The following CHD6 variants were observed in gnomAD, a reference collection of about 807,000 sequenced individuals.
CHD6 encodes chromodomain helicase DNA binding protein 6.
Under a neutral mutation model 276.9 loss-of-function variants are expected in CHD6, and 50 were observed. The observed-to-expected ratio is 0.18, with a 90% confidence interval of 0.14 to 0.23. CHD6 has a LOEUF of 0.23. Among genes scored for constraint, CHD6 ranks in the 10% least tolerant of loss-of-function variants. The pLI is 1.00. For missense variants in CHD6, 2,564 were observed against 3,365.8 expected (o/e 0.76, Z 5.89); for synonymous variants, 1,173 against 1,229.3 (o/e 0.95, Z 0.96).
At position 41,510,048 on chromosome 20, in the gene CHD6, T is replaced by C. The variant is rs1198507315; in HGVS notation, c.852+2798A>G. Among the ~76,000 whole-genome samples, 4 of 152,306 alleles carry C rather than the reference T, an allele frequency of 2.6e-5. No homozygotes were observed. In the East Asian group the frequency reaches 5.8e-4, roughly 22 times the overall value. On this transcript the variant is annotated intron_variant, in intron 5 of 36. Coordinates refer to ENST00000373233, the MANE Select transcript of CHD6 (RefSeq NM_032221.5). ...AAGATACTGCACAGATCTGCAGAGA[T>C]GGCAGTGGGGCCATTCTGGTGCTGA... is the stretch of plus-strand genomic sequence containing the variant.
rs767629077 is a variant in CHD6 at position 41,425,280 on chromosome 20, C to T, written c.4244G>A (p.Arg1415Gln). 6.8e-6 allele frequency: 11 copies of T among 1,614,044 alleles called. No individual in the cohort carries two copies. Among genetic ancestry groups the T allele is most frequent in the African/African-American group, 4.0e-5 (3 of 74,936 alleles). ...GTTACCTGGTCCCAGAATTTCAGGC[C>T]GGCACAGTTCCTTGCGGTTGCAGCG... The part of the protein sequence containing the change: ...YQRCNRKELC[R>Q]PEILGPGNQG... The change falls in exon 29 of 37, where the codon CGG (arginine) becomes CAG (glutamine). Residue 1415 changes from arginine (R) to glutamine (Q), a missense_variant. Transcript: ENST00000373233.
At chr20:41,616,894 G>A (rs2045938629) in intron 1 of CHD6, among the ~76,000 whole-genome samples, 1 of 152,062 alleles carries the variant, frequency 6.6e-6, no homozygotes, top group African/African-American at 2.4e-5. Context: ...GAAATCAATG[G>A]GACAGACCCC....
chr20:41,453,029 G>A, intron 20 of CHD6, 87 bp from the exon 21 acceptor site: 5 of 1,074,112 alleles, frequency 4.7e-6, no homozygotes, highest in Non-Finnish European at 7.1e-6. Flanking sequence ...GACACATTTG[G>A]GATAGAACCA....
chr20:41,564,205 T>A (rs2045331812), intron 1 of CHD6: 1 of 631,480 alleles, frequency 1.6e-6, no homozygotes, highest in Non-Finnish European at 2.9e-6. Context: ...ATCTACAAAA[T>A]AGCTTAAACA....
chr20:41,421,651 G>A lies in CHD6; in HGVS notation c.4984C>T (p.Leu1662=). The change falls in exon 31 of 37, where the codon CTA becomes TTA. Residue 1662 remains leucine (L), a synonymous_variant. Transcript: ENST00000373233. ...SESLENEPEN[L]VRVESRDDHL... ...TCATCTCTGCTTTCTACTCTCACTA[G>A]ATTTTCAGGTTCATTTTCAAGGGAC... The A allele has an allele frequency of 6.2e-7, 1 of 1,613,528 alleles. No individual in the cohort carries two copies. The highest frequency in any genetic ancestry group is 8.5e-7 in the Non-Finnish European group (1 of 1,179,656).
intron 1 of CHD6, among the ~76,000 whole-genome samples, chr20:41,581,683 A>G (rs554789343): frequency 1.3e-5 from 2 of 152,250 alleles, no homozygotes; most frequent in South Asian, 4.1e-4. Context: ...TCAAAAAAAA[A>G]AAAAAATCAC....
At chr20:41,417,797 T>G (rs1022096161) in intron 31 of CHD6, among the ~76,000 whole-genome samples, 8 of 152,144 alleles carry the variant, frequency 5.3e-5, no homozygotes, top group African/African-American at 1.9e-4. Flanking sequence ...GTCATGAAGC[T>G]TACAACAAAG....
At chr20:41,521,369 G>A (rs1002061767) in intron 3 of CHD6, among the ~76,000 whole-genome samples, 1 of 152,136 alleles carries the variant, frequency 6.6e-6, no homozygotes, top group African/African-American at 2.4e-5. Flanking sequence ...TTTCAGATGT[G>A]GCATAGGATT....
intron 18 of CHD6, among the ~76,000 whole-genome samples, chr20:41,456,248 T>C (rs2048373792): frequency 1.3e-5 from 2 of 152,198 alleles, no homozygotes; most frequent in South Asian, 4.1e-4. Context: ...TATTATCAGA[T>C]GTCACAAGCC....
chr20:41,533,571 C>T lies in CHD6; in HGVS notation c.34-1G>A. ...GATTCAAAACTTTTAAATTTGACAACTGTAAAAGAAAGAGAAACAAGCATA... is the reference window on the plus strand; with the variant it reads ...GATTCAAAACTTTTAAATTTGACAATTGTAAAAGAAAGAGAAACAAGCATA... On this transcript the variant is annotated splice_acceptor_variant, in intron 2 of 36. Coordinates refer to ENST00000373233, the MANE Select transcript of CHD6 (RefSeq NM_032221.5). LOFTEE classifies it high-confidence loss of function. The T allele has an allele frequency of 6.3e-7, 1 of 1,595,836 alleles. No individual in the cohort carries two copies. The highest frequency in any genetic ancestry group is 8.5e-7 in the Non-Finnish European group (1 of 1,175,548).
rs142676635 is a variant in CHD6 at position 41,413,332 on chromosome 20, A to G, written c.7123T>C (p.Phe2375Leu). The change falls in exon 35 of 37, where the codon TTT becomes CTT. Residue 2375 changes from phenylalanine (F) to leucine (L), a missense_variant. Phe to Leu is a conservative substitution (Grantham distance 22, BLOSUM62 0). Transcript: ENST00000373233. Reference protein sequence around the residue: ...QADYSLEVPGFGANFSDKPKQ... With the variant: ...QADYSLEVPGLGANFSDKPKQ... ...TACCAACAAACACTTACTGCCCCAA[A>G]GCCAGGAACTTCTAAGGAGTAGTCA... 125 of 1,600,938 alleles carry G rather than the reference A, an allele frequency of 7.8e-5. No individual in the cohort carries two copies. The African/African-American group carries it at 1.5e-3, about 19-fold the overall frequency.
intron 13 of CHD6, among the ~76,000 whole-genome samples, 186 bp downstream of exon 13, chr20:41,488,242 A>C (rs1323694749): frequency 6.6e-6 from 1 of 152,204 alleles, no homozygotes; most frequent in African/African-American, 2.4e-5. Flanking sequence ...CAAAGGTCAA[A>C]TTGTTGACCC....
Position 41,421,497 on chromosome 20 carries a change from A to G in CHD6, c.5138T>C (p.Leu1713Pro). 1.2e-6 allele frequency: 2 copies of G among 1,613,220 alleles called. No individual in the cohort carries two copies. The highest frequency in any genetic ancestry group is 2.2e-5 in the East Asian group (1 of 44,888). Residue 1713 changes from leucine (L) to proline (P), a missense_variant, in exon 31 of 37, where the codon CTC becomes CCC. Around this residue, in one of 7 missense-constraint regions of CHD6, gnomAD observed 1,024 missense variants for 1,047.9 expected, o/e 0.98. Transcript: ENST00000373233. Reference protein sequence around the residue: ...LESMMYGKKVLSQEPSSFQES... With the variant: ...LESMMYGKKVPSQEPSSFQES... ...CTGAAAAGAGCTTGGTTCTTGGCTG[A>G]GCACCTTCTTACCATACATCATGCT... is the stretch of plus-strand genomic sequence containing the variant.
At chr20:41,502,154 A>G (rs2043844274) in intron 5 of CHD6, among the ~76,000 whole-genome samples, 1 of 152,172 alleles carries the variant, frequency 6.6e-6, no homozygotes, top group South Asian at 2.1e-4. Context: ...TCTTTTATGA[A>G]TAGTATTTTT....
rs1028585940 is a variant in CHD6, at chr20:41,426,226, G to T, written c.4069-73C>A. ...AAACCAGCTCAGAAAGTCTTGAAAC[G>T]GAAAGAGTAAGCATCACGCATAAGA... On this transcript the variant is annotated intron_variant, in intron 27 of 36. Coordinates refer to ENST00000373233, the MANE Select transcript of CHD6 (RefSeq NM_032221.5). 5 of 1,074,734 alleles carry T rather than the reference G, an allele frequency of 4.7e-6. No homozygotes were observed. The African/African-American group carries it at 6.2e-5, about 13-fold the overall frequency. 66.6% of individuals were successfully genotyped at this position (1,074,734 alleles called of 1,614,324 possible).
At chr20:41,595,056 A>C (rs762165493) in intron 1 of CHD6, among the ~76,000 whole-genome samples, 1 of 152,204 alleles carries the variant, frequency 6.6e-6, no homozygotes, top group Non-Finnish European at 1.5e-5. Context: ...CCTCTGGGGA[A>C]GGGTCTCTGA....
intron 27 of CHD6, among the ~76,000 whole-genome samples, chr20:41,433,889 C>T (rs746760822): frequency 2.0e-5 from 3 of 151,904 alleles, no homozygotes; most frequent in African/African-American, 4.8e-5. Context: ...CATTAGTAGA[C>T]GGTGATACAT....
intron 1 of CHD6, among the ~76,000 whole-genome samples, chr20:41,599,352 T>C (rs771879732): frequency 4.6e-5 from 7 of 152,104 alleles, no homozygotes; most frequent in Non-Finnish European, 7.4e-5. Flanking sequence ...AGCAAATGAA[T>C]TAGCCGAAAA....
chr20:41,487,890 A>G, intron 13 of CHD6, 82 bp from the exon 14 acceptor site: 1 of 1,442,190 alleles, frequency 6.9e-7, no homozygotes, highest in South Asian at 1.3e-5. Flanking sequence ...AAGCCAGGGC[A>G]TTGAGTGCTC....
Sources: allele counts gnomAD v4.1 joint callset (sites outside exome capture counted in the v4.1 genomes callset), GRCh38; gene constraint gnomAD v4.1.1; regional missense constraint gnomAD v4.1.1; transcripts MANE v1.5; gene names NCBI Gene and HGNC (gene_info 2026-07-23, HGNC 2026-07-21).